Variants in GCH1 observed in about 807,000 individuals in gnomAD.
The protein encoded by GCH1 is GTP cyclohydrolase 1, also known as GTP cyclohydrolase I.
In GCH1, 5 loss-of-function variants were observed where a neutral mutation model predicts 25.9. The ratio of observed to expected loss-of-function variants is 0.19; its 90% CI spans 0.10 to 0.41. The LOEUF (loss-of-function observed/expected upper bound fraction) is 0.41, where lower values mean the gene tolerates loss of function less well. Among genes scored for constraint, GCH1 ranks in the 10% least tolerant of loss-of-function variants. The pLI, the probability that GCH1 is intolerant of heterozygous loss-of-function variation, is 1.00. For missense variants in GCH1, 261 were observed against 336.5 expected, an observed-to-expected ratio of 0.78 and a Z score of 1.75; for synonymous variants, 159 against 129.6, an observed-to-expected ratio of 1.23 and a Z score of -1.54.
intron 1 of GCH1, among the ~76,000 whole-genome samples, chr14:54,866,666 C>T (rs916248681): frequency 6.6e-5 from 10 of 152,088 alleles, no homozygotes; most frequent in Non-Finnish European, 1.5e-4. Flanking sequence ...GGAAGATGGA[C>T]AAATGTCCAC....
At chr14:54,902,067 G>T (rs1472251465) in intron 1 of GCH1, among the ~76,000 whole-genome samples, 1 of 151,994 alleles carries the variant, frequency 6.6e-6, no homozygotes, top group African/African-American at 2.4e-5. Context: ...TGCGCGCTGG[G>T]AGCGGGAAGG....
intron 2 of GCH1, among the ~76,000 whole-genome samples, chr14:54,863,822 C>T (rs1196618124): frequency 2.6e-5 from 4 of 151,914 alleles, no homozygotes; most frequent in African/African-American, 4.8e-5. Context: ...GGATGCTACA[C>T]ATATTGTAGT....
At chr14:54,878,947 A>G (rs2040202442) in intron 1 of GCH1, among the ~76,000 whole-genome samples, 1 of 152,052 alleles carries the variant, frequency 6.6e-6, no homozygotes, top group African/African-American at 2.4e-5. Flanking sequence ...TTTTTTGTAG[A>G]GACAGAGTCT....
chr14:54,849,678 C>T (rs149656474), intron 3 of GCH1, among the ~76,000 whole-genome samples: 71 of 152,288 alleles, frequency 4.7e-4, no homozygotes, highest in Middle Eastern at 3.4e-3. Flanking sequence ...TCTTCTCTAA[C>T]GTTGCATCTA....
intron 2 of GCH1, among the ~76,000 whole-genome samples, chr14:54,863,756 T>A (rs80349359): frequency 6.6e-6 from 1 of 152,120 alleles, no homozygotes; most frequent in Non-Finnish European, 1.5e-5. Context: ...GTTGATAAAC[T>A]GATACAAAGG....
Position 54,843,234 on chromosome 14 carries a change from T to C in GCH1, c.*783A>G. The stretch of plus-strand genomic sequence containing the variant: ...AGTTATTTGCAGTGTGAGTACTAAG[T>C]CTCATAAAATAATGGCTTTTTTAAA... On this transcript the variant is annotated 3_prime_UTR_variant, in exon 6 of 6. Coordinates refer to ENST00000491895, the MANE Select transcript of GCH1 (RefSeq NM_000161.3). 1 of 1,403,790 alleles carries C rather than the reference T, an allele frequency of 7.1e-7. No homozygotes were observed. The highest frequency in any genetic ancestry group is 9.2e-7 in the Non-Finnish European group (1 of 1,084,980). The allele number at this position is 1,403,790 out of a possible 1,614,324, so 87.0% of individuals were successfully genotyped here.
In GCH1 at chr14:54,842,380, T is replaced by C. The variant is rs1357352401; in HGVS notation, c.*1637A>G. 6.6e-6 allele frequency: 1 copy of C among 152,630 alleles called. No homozygotes were observed. Among genetic ancestry groups the C allele is most frequent in the Non-Finnish European group, 1.5e-5 (1 of 68,040 alleles). The allele number at this position is 152,630 out of a possible 1,614,324, so 9.5% of individuals were successfully genotyped here. On this transcript the variant is annotated 3_prime_UTR_variant, in exon 6 of 6. Coordinates refer to ENST00000491895, the MANE Select transcript of GCH1 (RefSeq NM_000161.3). ...TCTTTGGTCCTCGAAGTCACACTTG[T>C]TTTTACTTTAAAATGCCAAACATGA...
At chr14:54,886,114 C>A in intron 1 of GCH1, 1 of 158,856 alleles carries the variant, frequency 6.3e-6, no homozygotes, top group South Asian at 1.6e-4. Flanking sequence ...CTCTGGGTGC[C>A]CCATCTCATC....
intron 2 of GCH1, among the ~76,000 whole-genome samples, chr14:54,865,042 CAAAAA>C (rs56813558): frequency 6.9e-6 from 1 of 145,728 alleles, no homozygotes; most frequent in African/African-American, 2.5e-5. Flanking sequence ...GTAGTAGCTA[CAAAAA>C]AAAAAAAAGA....
chr14:54,860,413 G>A (rs1408549884), intron 2 of GCH1, among the ~76,000 whole-genome samples: 2 of 151,964 alleles, frequency 1.3e-5, no homozygotes, highest in Non-Finnish European at 2.9e-5. Context: ...ACACATCACA[G>A]CAGCCTTAAG....
At chr14:54,859,845 C>A in intron 2 of GCH1, 109 bp from the exon 3 acceptor site, 1 of 716,724 alleles carries the variant, frequency 1.4e-6, no homozygotes, top group Admixed American at 2.0e-5. Context: ...TAATTTATCA[C>A]GACAATGTAT....
chr14:54,890,807 A>C (rs1364475126), intron 1 of GCH1, among the ~76,000 whole-genome samples: 1 of 152,176 alleles, frequency 6.6e-6, no homozygotes, highest in African/African-American at 2.4e-5. Flanking sequence ...CAAACAACCC[A>C]AAAAAACTCA....
chr14:54,896,683 C>T (rs10131563), intron 1 of GCH1, among the ~76,000 whole-genome samples: 6,000 of 151,436 alleles, frequency 0.04, 424 homozygotes, highest in African/African-American at 0.14. Context: ...GAGGCCGAGG[C>T]GGGCGGATCA....
chr14:54,897,578 C>T (rs140161594), intron 1 of GCH1, among the ~76,000 whole-genome samples: 73 of 152,144 alleles, frequency 4.8e-4, no homozygotes, highest in African/African-American at 1.6e-3. Context: ...CGTGAGCCAC[C>T]GCGCCCGGCT....
At chr14:54,883,417 C>T (rs1236896267) in intron 1 of GCH1, among the ~76,000 whole-genome samples, 1 of 144,920 alleles carries the variant, frequency 6.9e-6, no homozygotes, top group Non-Finnish European at 1.5e-5. Flanking sequence ...CGGTGGCTCA[C>T]GCCTGTAATC....
rs777656278 is a variant in GCH1 at position 54,843,797 on chromosome 14, C to T, written c.*220G>A. 3.1e-6 allele frequency: 5 copies of T among 1,614,000 alleles called. 1 individual carries two copies. Among genetic ancestry groups the T allele is most frequent in the Middle Eastern group, 3.3e-4 (2 of 6,062 alleles). On this transcript the variant is annotated 3_prime_UTR_variant, in exon 6 of 6. Transcript: ENST00000491895. ...ACGTACTTACACTATTAGCAGTTCA[C>T]TTTAATATTGCCACAAAAAGGTGGC...
intron 1 of GCH1, 119 bp downstream of exon 1, chr14:54,902,202 C>A (rs1346037342): frequency 1.1e-5 from 12 of 1,133,278 alleles, no homozygotes; most frequent in Non-Finnish European, 1.4e-5. Flanking sequence ...GAGGTGACAG[C>A]GCCCGGCTTC....
chr14:54,874,177 G>C (rs538668374), intron 1 of GCH1, among the ~76,000 whole-genome samples: 1 of 152,174 alleles, frequency 6.6e-6, no homozygotes, highest in Non-Finnish European at 1.5e-5. Flanking sequence ...GGGATGCAAG[G>C]CTGGTTCAAC....
intron 3 of GCH1, among the ~76,000 whole-genome samples, chr14:54,848,511 T>G (rs1445070737): frequency 8.5e-5 from 13 of 152,190 alleles, no homozygotes; most frequent in Admixed American, 7.9e-4. Context: ...CATTTGAAGA[T>G]GACTATTCAC....
Sources: allele counts gnomAD v4.1 joint callset (sites outside exome capture counted in the v4.1 genomes callset), GRCh38; gene constraint gnomAD v4.1.1; transcripts MANE v1.5; gene names NCBI Gene and HGNC (gene_info 2026-07-23, HGNC 2026-07-21).